Variants in E2F3 observed in about 807,000 individuals in gnomAD.
The protein encoded by E2F3 is E2F transcription factor 3, also known as transcription factor E2F3.
A neutral mutation model predicts 44.4 loss-of-function variants in E2F3; 11 were observed. The ratio of observed to expected loss-of-function variants is 0.25; its 90% confidence interval spans 0.16 to 0.41. E2F3 has a LOEUF of 0.41. Ranked by LOEUF, E2F3 falls within the 10% of genes least tolerant of loss-of-function variation. E2F3 has a pLI of 1.00. For missense variants in E2F3, 487 were observed against 583.6 expected (o/e 0.83, Z 1.70); for synonymous variants, 249 against 253.0 (o/e 0.98, Z 0.15).
At chr6:20,484,979 A>G (rs1003929884) in intron 4 of E2F3, among the ~76,000 whole-genome samples, 4 of 150,992 alleles carry the variant, frequency 2.6e-5, no homozygotes, top group African/African-American at 9.7e-5. Flanking sequence ...AGAAGCTACT[A>G]TCGTAAGGGA....
intron 1 of E2F3, among the ~76,000 whole-genome samples, chr6:20,434,008 A>T (rs1437604746): frequency 6.6e-6 from 1 of 152,194 alleles, no homozygotes; most frequent in Non-Finnish European, 1.5e-5. Flanking sequence ...TTTGAGAGAG[A>T]TACTTTTTTC....
In E2F3 at chr6:20,479,875, C is replaced by T. The variant is rs760565923; in HGVS notation, c.423C>T (p.Ser141=). ...AGCGAAGGCTGGAGCTAGGAGAAAG[C>T]GGTCATCAGTACCTCTCAGATGGTT... The part of the protein sequence containing the change: ...PAKRRLELGE[S]GHQYLSDGLK... The change falls in exon 2 of 7, where the codon AGC becomes AGT. Residue 141 remains serine, a synonymous_variant. Transcript: ENST00000346618. 28 of 1,612,298 alleles carry T rather than the reference C, an allele frequency of 1.7e-5. No individual in the cohort carries two copies. The South Asian group carries it at 1.9e-4, about 11-fold the overall frequency.
rs1480651941 is a variant in E2F3 at position 20,402,127 on chromosome 6, GGGAGGAGAGAA to G, written c.-95_-85del. On this transcript the variant is annotated 5_prime_UTR_variant, in exon 1 of 7. Coordinates refer to ENST00000346618, the MANE Select transcript of E2F3 (RefSeq NM_001949.5). The surrounding 1 kb of genome is among the most constrained non-coding windows in gnomAD (Gnocchi z 5.6). ...AGAGGGGGCTCGGAAGCGCCGGGCGGGGAGGAGAGAAGGAGGAGAGACTTGGAAACTCCGAC... is the reference window on the plus strand; with the variant it reads ...AGAGGGGGCTCGGAAGCGCCGGGCGGGGAGGAGAGACTTGGAAACTCCGAC... The G allele has an allele frequency of 2.1e-6, 3 of 1,433,228 alleles. No individual in the cohort carries two copies. The highest frequency in any genetic ancestry group is 5.3e-5 in the East Asian group (2 of 38,094). 88.8% of individuals were successfully genotyped at this position (1,433,228 alleles called of 1,614,324 possible).
Position 20,490,585 on chromosome 6 carries a change from AT to A in E2F3, c.*161del. ...CAGAAGAAAGCTGACATTTTAATGA[AT>A]TTTTTAAAAAATTAATAAACAAATT... On this transcript the variant is annotated 3_prime_UTR_variant, in exon 7 of 7. Coordinates refer to ENST00000346618, the MANE Select transcript of E2F3 (RefSeq NM_001949.5). The surrounding 1 kb of genome is among the most constrained non-coding windows in gnomAD (Gnocchi z 4.3). 1 of 801,244 alleles carries A rather than the reference AT, an allele frequency of 1.2e-6. No individual in the cohort carries two copies. The allele number at this position is 801,244 out of a possible 1,614,324, so 49.6% of individuals were successfully genotyped here. A position where few individuals can be genotyped will look rare whatever the true frequency, so the allele number is the denominator to read the frequency against.
intron 1 of E2F3, among the ~76,000 whole-genome samples, chr6:20,460,441 T>C (rs1561871832): frequency 6.6e-6 from 1 of 152,210 alleles, no homozygotes; most frequent in Non-Finnish European, 1.5e-5. Context: ...GACTTGTTTT[T>C]TTCCTTACTT....
chr6:20,489,965 A>G (rs1762507753), intron 6 of E2F3, among the ~76,000 whole-genome samples: 1 of 152,182 alleles, frequency 6.6e-6, no homozygotes, highest in South Asian at 2.1e-4. Flanking sequence ...ACCCTGTCTC[A>G]AAAATTAAAA....
chr6:20,436,667 C>T (rs1760597652), intron 1 of E2F3, among the ~76,000 whole-genome samples: 1 of 152,172 alleles, frequency 6.6e-6, no homozygotes, highest in African/African-American at 2.4e-5. Flanking sequence ...TTTTCCCCTC[C>T]TCTCTTAAAT....
At chr6:20,422,099 T>C (rs539429603) in intron 1 of E2F3, among the ~76,000 whole-genome samples, 28 of 152,346 alleles carry the variant, frequency 1.8e-4, no homozygotes, top group African/African-American at 6.5e-4. Context: ...ACATTGAAGA[T>C]CTGTTGTTTA....
rs2127631764 is a variant in E2F3 at position 20,493,623 on chromosome 6, T to C, written c.*3193T>C. ...AATAGATTTGTTACAGGGTGACCTG[T>C]TCTCTAGCTGTGATCTTACCACTTC... On this transcript the variant is annotated 3_prime_UTR_variant, in exon 7 of 7. Transcript: ENST00000346618. 4.9e-6 allele frequency: 1 copy of C among 205,174 alleles called. No homozygotes were observed. Among genetic ancestry groups the C allele is most frequent in the East Asian group, 7.5e-5 (1 of 13,364 alleles). The allele number at this position is 205,174 out of a possible 1,614,324, so 12.7% of individuals were successfully genotyped here.
intron 4 of E2F3, among the ~76,000 whole-genome samples, chr6:20,483,259 G>A (rs932952058): frequency 6.6e-6 from 1 of 152,118 alleles, no homozygotes; most frequent in Admixed American, 6.5e-5. Context: ...AGATACATAA[G>A]GTGTCGGTAT....
At chr6:20,471,517 G>GT (rs1761889402) in intron 1 of E2F3, among the ~76,000 whole-genome samples, 1 of 152,134 alleles carries the variant, frequency 6.6e-6, no homozygotes, top group South Asian at 2.1e-4. Context: ...GGAGGCAGAG[G>GT]TTGCAGTGAG....
intron 1 of E2F3, among the ~76,000 whole-genome samples, chr6:20,456,582 C>T (rs1761316594): frequency 6.6e-6 from 1 of 151,968 alleles, no homozygotes; most frequent in Non-Finnish European, 1.5e-5. Context: ...TGTGCGAATA[C>T]AAATAGAAAT....
chr6:20,489,882 G>C (rs1361614959), intron 6 of E2F3, among the ~76,000 whole-genome samples: 3 of 152,100 alleles, frequency 2.0e-5, no homozygotes, highest in Non-Finnish European at 4.4e-5. Context: ...AGGTGGGAGG[G>C]TCCCTTGAAC....
intron 1 of E2F3, among the ~76,000 whole-genome samples, chr6:20,456,261 G>A (rs892986172): frequency 3.3e-5 from 5 of 150,538 alleles, no homozygotes; most frequent in East Asian, 1.9e-4. Context: ...TGAAGAAACC[G>A]AGACCCAGGG....
At chr6:20,403,692 C>G (rs1759388577) in intron 1 of E2F3, 2 of 614,330 alleles carry the variant, frequency 3.3e-6, no homozygotes, top group East Asian at 6.8e-5. Context: ...GCCACCCTCC[C>G]TCTCCTCTCC....
chr6:20,456,696 T>G (rs116574424), intron 1 of E2F3, among the ~76,000 whole-genome samples: 4,218 of 152,342 alleles, frequency 0.028, 80 homozygotes, highest in Middle Eastern at 0.041. Flanking sequence ...GAGGGCTTTT[T>G]GGGGGATTAA....
chr6:20,458,779 A>G (rs1214500615), intron 1 of E2F3, among the ~76,000 whole-genome samples: 1 of 152,182 alleles, frequency 6.6e-6, no homozygotes, highest in East Asian at 1.9e-4. Flanking sequence ...TGGTTCCAGG[A>G]TGCTTCCCTA....
chr6:20,440,431 C>T (rs1233508518), intron 1 of E2F3, among the ~76,000 whole-genome samples: 1 of 152,190 alleles, frequency 6.6e-6, no homozygotes, highest in Non-Finnish European at 1.5e-5. Context: ...TATATGTATT[C>T]ATTGGTCCAA....
chr6:20,483,420 T>C (rs1036364957), intron 4 of E2F3, among the ~76,000 whole-genome samples: 16 of 152,314 alleles, frequency 1.1e-4, no homozygotes, highest in Non-Finnish European at 1.9e-4. Context: ...GATTGGGCTA[T>C]AGTTGAAGGG....
Sources: gnomAD v4.1 joint callset for allele counts (sites outside exome capture counted in the v4.1 genomes callset) on GRCh38, gnomAD v4.1.1 for gene constraint, Gnocchi (gnomAD v3.1) non-coding constraint, MANE v1.5 for transcripts, NCBI Gene and HGNC (gene_info 2026-07-23, HGNC 2026-07-21) for gene names.